The following TRIR variants were observed in gnomAD, a reference collection of about 807,000 sequenced individuals.
The protein encoded by TRIR is telomerase RNA component-interacting RNase.
Under a neutral mutation model 18.2 loss-of-function variants are expected in TRIR, and 5 were observed. The observed-to-expected ratio is 0.27, with a 90% CI of 0.14 to 0.58. The LOEUF (loss-of-function observed/expected upper bound fraction) is 0.58, where lower values mean the gene tolerates loss of function less well. TRIR is among the 20% of genes least tolerant of loss of function. The pLI is 0.91. For missense variants in TRIR, 206 were observed against 252.8 expected (o/e 0.81, Z 1.25); for synonymous variants, 134 against 114.4 (o/e 1.17, Z -1.10).
In TRIR at chr19:12,731,515, T is replaced by A; in HGVS notation, c.346-94A>T. ...ACTACACCTTCCTAGCCCGGCCTGG[T>A]GGCCCGTCCTGACGCCGCGCCCAGC... On this transcript the variant is annotated intron_variant, in intron 1 of 2. Transcript: ENST00000242784. This position sits in a 1 kb window ranked among gnomAD's most constrained non-coding sequence, Gnocchi z 5.1. 1.5e-6 allele frequency: 2 copies of A among 1,357,548 alleles called. No homozygotes were observed. The highest frequency in any genetic ancestry group is 2.7e-5 in the South Asian group (2 of 72,826). The allele number at this position is 1,357,548 out of a possible 1,614,324, so 84.1% of individuals were successfully genotyped here. A position where few individuals can be genotyped will look rare whatever the true frequency, so the allele number is the denominator to read the frequency against.
At chr19:12,732,618 A>G (rs1599441245) in intron 1 of TRIR, among the ~76,000 whole-genome samples, 2 of 150,130 alleles carry the variant, frequency 1.3e-5, no homozygotes, top group African/African-American at 2.5e-5. Flanking sequence ...TTTTGGAGAC[A>G]GAGTCTTACT....
Position 12,734,611 on chromosome 19 carries a change from G to A in TRIR, c.47C>T (p.Pro16Leu), listed in dbSNP as rs762582564. 63 of 1,517,502 alleles carry A rather than the reference G, an allele frequency of 4.2e-5. No individual in the cohort carries two copies. The East Asian group carries it at 1.4e-3, about 34-fold the overall frequency. 94.0% of individuals were successfully genotyped at this position (1,517,502 alleles called of 1,614,324 possible). ...RRAEPQGREAPGPAGGGGGGS... is the reference protein window; with the variant it reads ...RRAEPQGREALGPAGGGGGGS... ...GCCACCGCCACCGCCCGCGGGGCCC[G>A]GAGCCTCCCGGCCCTGAGGCTCCGC... is the stretch of plus-strand genomic sequence containing the variant. Residue 16 changes from proline (P) to leucine (L), a missense_variant, in exon 1 of 3, where the codon CCG becomes CTG. Pro to Leu is a moderately conservative substitution (Grantham distance 98, BLOSUM62 -3). This residue lies in a region of TRIR where 172 missense variants were observed against 165.0 expected (regional missense o/e 1.04). Coordinates refer to ENST00000242784, the MANE Select transcript of TRIR (RefSeq NM_024038.4). This position sits in a 1 kb window ranked among gnomAD's most constrained non-coding sequence, Gnocchi z 4.1.
At position 12,730,914 on chromosome 19, in the gene TRIR, T is replaced by C. The variant is rs1394260336; in HGVS notation, c.*47A>G. On this transcript the variant is annotated 3_prime_UTR_variant, in exon 3 of 3. Transcript: ENST00000242784. ...CCGCTGCCGCTGCATTAAATAGTTA[T>C]GTACATCGCAGAGAGTCCCAGGCCA... 3 of 1,531,914 alleles carry C rather than the reference T, an allele frequency of 2.0e-6. No individual in the cohort carries two copies. Among genetic ancestry groups the C allele is most frequent in the East Asian group, 2.2e-5 (1 of 44,518 alleles). The allele number at this position is 1,531,914 out of a possible 1,614,324, so 94.9% of individuals were successfully genotyped here.
At chr19:12,732,845 C>T (rs1967460805) in intron 1 of TRIR, among the ~76,000 whole-genome samples, 1 of 152,142 alleles carries the variant, frequency 6.6e-6, no homozygotes, top group Non-Finnish European at 1.5e-5. Context: ...CCGCCTCGGC[C>T]TCCCAAAGTG....
chr19:12,731,122 CTGCCCTGAGACAGGTGACCCATTCCCAG>C lies in TRIR; in HGVS notation c.424-82_424-55del. The C allele has an allele frequency of 6.8e-7, 1 of 1,467,200 alleles. No individual in the cohort carries two copies. The allele number at this position is 1,467,200 out of a possible 1,614,324, so 90.9% of individuals were successfully genotyped here. On this transcript the variant is annotated intron_variant, in intron 2 of 2. Coordinates refer to ENST00000242784, the MANE Select transcript of TRIR (RefSeq NM_024038.4). This position sits in a 1 kb window ranked among gnomAD's most constrained non-coding sequence, Gnocchi z 5.1. ...GGGGTGCCAGGAACCAGGGTCAGGA[CTGCCCTGAGACAGGTGACCCATTCCCAG>C]TGTCACCCAGAAGACTCTGGGTTTG... is the stretch of plus-strand genomic sequence containing the variant.
intron 1 of TRIR, among the ~76,000 whole-genome samples, chr19:12,732,124 C>CAAAAAAAAA (rs34115155): frequency 3.8e-5 from 3 of 79,786 alleles, no homozygotes; most frequent in African/African-American, 9.7e-5. Context: ...GACTCTGTCT[C>CAAAAAAAAA]AAAAAAAAAA....
chr19:12,734,469 G>A lies in TRIR; in HGVS notation c.189C>T (p.Gly63=). ...SGGVNLFAND[G]SFLELFKRKM... ...TCCGCTTGAACAGCTCCAGGAAGCT[G>A]CCGTCGTTGGCGAACAAGTTCACGC... Residue 63 remains glycine (G), a synonymous_variant, in exon 1 of 3, where the codon GGC becomes GGT. Coordinates refer to ENST00000242784, the MANE Select transcript of TRIR (RefSeq NM_024038.4). The surrounding 1 kb of genome is among the most constrained non-coding windows in gnomAD (Gnocchi z 4.1). 2 of 1,534,710 alleles carry A rather than the reference G, an allele frequency of 1.3e-6. No homozygotes were observed. Among genetic ancestry groups the A allele is most frequent in the Non-Finnish European group, 1.8e-6 (2 of 1,142,564 alleles).
At position 12,731,204 on chromosome 19, in the gene TRIR, G is replaced by T; in HGVS notation, c.424-136C>A. On this transcript the variant is annotated intron_variant, in intron 2 of 2. Coordinates refer to ENST00000242784, the MANE Select transcript of TRIR (RefSeq NM_024038.4). This position sits in a 1 kb window ranked among gnomAD's most constrained non-coding sequence, Gnocchi z 5.1. Reference sequence around the variant, plus strand: ...TGAAGATTATAAAGTCAAGTTATCTGGGGACCCATTGACAGCCCTCCTACC... The same window carrying T: ...TGAAGATTATAAAGTCAAGTTATCTTGGGACCCATTGACAGCCCTCCTACC... The T allele has an allele frequency of 7.9e-7, 1 of 1,260,258 alleles. No homozygotes were observed. Among genetic ancestry groups the T allele is most frequent in the Non-Finnish European group, 1.2e-6 (1 of 866,034 alleles). 78.1% of individuals were successfully genotyped at this position (1,260,258 alleles called of 1,614,324 possible).
rs1257618466 is a variant in TRIR at position 12,734,420 on chromosome 19, G to T, written c.238C>A (p.Arg80=). 5.3e-6 allele frequency: 8 copies of T among 1,520,908 alleles called. No individual in the cohort carries two copies. In the Admixed American group the frequency reaches 6.2e-5, roughly 12 times the overall value. 94.2% of individuals were successfully genotyped at this position (1,520,908 alleles called of 1,614,324 possible). A position where few individuals can be genotyped will look rare whatever the true frequency, so the allele number is the denominator to read the frequency against. ...KRKMEEEQRQ[R]QEEPPPGPQR... ...GGACCCGGGGGCGGCTCCTCCTGCCGCTGCCGCTGCTCCTCCTCCATCTTC... is the reference window on the plus strand; with the variant it reads ...GGACCCGGGGGCGGCTCCTCCTGCCTCTGCCGCTGCTCCTCCTCCATCTTC... The change falls in exon 1 of 3, where the codon CGG becomes AGG. Residue 80 remains arginine, a synonymous_variant. Transcript: ENST00000242784. The surrounding 1 kb of genome is among the most constrained non-coding windows in gnomAD (Gnocchi z 4.1).
chr19:12,732,139 A>AG (rs1227534453), intron 1 of TRIR, among the ~76,000 whole-genome samples: 32 of 151,156 alleles, frequency 2.1e-4, no homozygotes, highest in South Asian at 1.5e-3. Context: ...AAAAAAAAAA[A>AG]AAAAGAAAAG....
intron 1 of TRIR, among the ~76,000 whole-genome samples, chr19:12,733,031 G>A (rs902935565): frequency 5.9e-5 from 9 of 152,064 alleles, no homozygotes; most frequent in Non-Finnish European, 1.0e-4. Context: ...AGCCTCCTGG[G>A]TAGCTGGAGC....
chr19:12,731,506 C>G lies in TRIR; in HGVS notation c.346-85G>C, dbSNP rs752568656. Reference sequence around the variant, plus strand: ...CTGAGGCCCACTACACCTTCCTAGCCCGGCCTGGTGGCCCGTCCTGACGCC... The same window carrying G: ...CTGAGGCCCACTACACCTTCCTAGCGCGGCCTGGTGGCCCGTCCTGACGCC... On this transcript the variant is annotated intron_variant, in intron 1 of 2. Coordinates refer to ENST00000242784, the MANE Select transcript of TRIR (RefSeq NM_024038.4). The surrounding 1 kb of genome is among the most constrained non-coding windows in gnomAD (Gnocchi z 5.1). The G allele has an allele frequency of 2.1e-6, 3 of 1,434,720 alleles. No individual in the cohort carries two copies. The highest frequency in any genetic ancestry group is 4.6e-5 in the East Asian group (2 of 43,508). The allele number at this position is 1,434,720 out of a possible 1,614,324, so 88.9% of individuals were successfully genotyped here.
Position 12,731,167 on chromosome 19 carries a change from C to A in TRIR, c.424-99G>T, listed in dbSNP as rs1265342431. The A allele has an allele frequency of 2.3e-6, 3 of 1,311,186 alleles. No individual in the cohort carries two copies. Among genetic ancestry groups the A allele is most frequent in the Admixed American group, 1.7e-5 (1 of 58,384 alleles). 81.2% of individuals were successfully genotyped at this position (1,311,186 alleles called of 1,614,324 possible). A position where few individuals can be genotyped will look rare whatever the true frequency, so the allele number is the denominator to read the frequency against. ...CATTCCCAGTGTCACCCAGAAGACT[C>A]TGGGTTTGAGCTGAAGATTATAAAG... is the stretch of plus-strand genomic sequence containing the variant. On this transcript the variant is annotated intron_variant, in intron 2 of 2. Coordinates refer to ENST00000242784, the MANE Select transcript of TRIR (RefSeq NM_024038.4). This position sits in a 1 kb window ranked among gnomAD's most constrained non-coding sequence, Gnocchi z 5.1.
In TRIR at chr19:12,732,139, A is replaced by AAAAAG. The variant is rs1555721342; in HGVS notation, c.346-723_346-719dup. ...GACTCTGTCTCAAAAAAAAAAAAAA[A>AAAAAG]AAAAGAAAAGAAAAAAAGAACCACC... On this transcript the variant is annotated intron_variant, in intron 1 of 2. Coordinates refer to ENST00000242784, the MANE Select transcript of TRIR (RefSeq NM_024038.4). Among the ~76,000 whole-genome samples the AAAAAG allele has an allele frequency of 1.3e-3, 204 of 151,140 alleles. 2 individuals are homozygous for AAAAAG. The highest frequency in any genetic ancestry group is 4.8e-3 in the African/African-American group (198 of 41,064).
rs538883713 is a variant in TRIR at position 12,732,730 on chromosome 19, C to G, written c.346-1309G>C. ...TCAGCCTCCCGAGTAGCTGGGATTA[C>G]AGGTATGCACCACCATGCCTGGCTA... On this transcript the variant is annotated intron_variant, in intron 1 of 2. Transcript: ENST00000242784. Among the ~76,000 whole-genome samples, 115 of 152,114 alleles carry G rather than the reference C, an allele frequency of 7.6e-4. No individual in the cohort carries two copies. In the Middle Eastern group the frequency reaches 0.01, roughly 13 times the overall value.
chr19:12,731,245 AT>A lies in TRIR; in HGVS notation c.423+98del. 5 of 1,465,094 alleles carry A rather than the reference AT, an allele frequency of 3.4e-6. No homozygotes were observed. In the East Asian group the frequency reaches 1.1e-4, roughly 33 times the overall value. 90.8% of individuals were successfully genotyped at this position (1,465,094 alleles called of 1,614,324 possible). A position where few individuals can be genotyped will look rare whatever the true frequency, so the allele number is the denominator to read the frequency against. The stretch of plus-strand genomic sequence containing the variant: ...CCCTCCTACCCTGCCAGGCACACTC[AT>A]AAAAGGCCTGGATACCAGACAGGGA... On this transcript the variant is annotated intron_variant, in intron 2 of 2. Transcript: ENST00000242784. The surrounding 1 kb of genome is among the most constrained non-coding windows in gnomAD (Gnocchi z 5.1).
At chr19:12,733,983 T>C (rs988456785) in intron 1 of TRIR, among the ~76,000 whole-genome samples, 11 of 152,240 alleles carry the variant, frequency 7.2e-5, no homozygotes, top group African/African-American at 9.6e-5. Context: ...ATTTACTCCC[T>C]TTCCTCACAA....
chr19:12,734,385 G>A lies in TRIR; in HGVS notation c.273C>T (p.Pro91=). Residue 91 remains proline, a synonymous_variant, in exon 1 of 3, where the codon CCC becomes CCT. Coordinates refer to ENST00000242784, the MANE Select transcript of TRIR (RefSeq NM_024038.4). The surrounding 1 kb of genome is among the most constrained non-coding windows in gnomAD (Gnocchi z 4.1). Reference sequence around the variant, plus strand: ...GGCCAGCGGCGGCGGCCGACTGGTCGGGTCGCTGCGGACCCGGGGGCGGCT... The same window carrying A: ...GGCCAGCGGCGGCGGCCGACTGGTCAGGTCGCTGCGGACCCGGGGGCGGCT... The part of the protein sequence containing the change: ...QEEPPPGPQR[P]DQSAAAAGPG... 6.7e-7 allele frequency: 1 copy of A among 1,495,510 alleles called. No individual in the cohort carries two copies. Among genetic ancestry groups the A allele is most frequent in the Non-Finnish European group, 8.9e-7 (1 of 1,123,686 alleles). 92.6% of individuals were successfully genotyped at this position (1,495,510 alleles called of 1,614,324 possible).
At position 12,731,443 on chromosome 19, in the gene TRIR, T is replaced by A. The variant is rs1568344527; in HGVS notation, c.346-22A>T. The A allele has an allele frequency of 6.2e-7, 1 of 1,607,480 alleles. No homozygotes were observed. On this transcript the variant is annotated intron_variant, in intron 1 of 2. Coordinates refer to ENST00000242784, the MANE Select transcript of TRIR (RefSeq NM_024038.4). This position sits in a 1 kb window ranked among gnomAD's most constrained non-coding sequence, Gnocchi z 5.1. ...CCACCTGGGTGAAGGGACAGAAGAC[T>A]GCAACGGTTACAGGAGCCGGGACCG...
Sources: gnomAD v4.1 joint callset for allele counts (sites outside exome capture counted in the v4.1 genomes callset) on GRCh38, gnomAD v4.1.1 for gene constraint, gnomAD v4.1.1 regional missense constraint, Gnocchi (gnomAD v3.1) non-coding constraint, MANE v1.5 for transcripts, NCBI Gene and HGNC (gene_info 2026-07-23, HGNC 2026-07-21) for gene names.